PDZRN4: variants seen among roughly 807,000 people sequenced by gnomAD.
The protein encoded by PDZRN4 is PDZ domain-containing RING finger protein 4.
PDZRN4 carries 70 observed loss-of-function variants against 99.0 expected under a neutral mutation model. The ratio of observed to expected loss-of-function variants is 0.71; its 90% CI spans 0.58 to 0.86. PDZRN4 has a LOEUF of 0.86. PDZRN4 is among the 40% of genes least tolerant of loss of function. The pLI, the probability that PDZRN4 is intolerant of heterozygous loss-of-function variation, is 0.00. For missense variants in PDZRN4, 1,474 were observed against 1,331.2 expected (o/e 1.11, Z -1.67); for synonymous variants, 551 against 501.6 (o/e 1.10, Z -1.32).
chr12:41,232,788 G>A (rs979607569), intron 3 of PDZRN4, among the ~76,000 whole-genome samples: 2 of 152,076 alleles, frequency 1.3e-5, no homozygotes, highest in African/African-American at 4.8e-5. Flanking sequence ...TTCTTCTAGG[G>A]TTTTTATGGT....
chr12:41,414,895 G>A (rs1952431195), intron 3 of PDZRN4, among the ~76,000 whole-genome samples: 1 of 152,154 alleles, frequency 6.6e-6, no homozygotes, highest in Non-Finnish European at 1.5e-5. Context: ...GGGACTAGCA[G>A]AGCCAAAGGC....
intron 3 of PDZRN4, among the ~76,000 whole-genome samples, chr12:41,281,384 G>A (rs561251700): frequency 6.8e-6 from 1 of 147,964 alleles, no homozygotes; most frequent in Non-Finnish European, 1.5e-5. Flanking sequence ...ATTGACAGAA[G>A]TAGGCTTCAG....
chr12:41,374,983 C>T (rs1952069139), intron 3 of PDZRN4, among the ~76,000 whole-genome samples: 2 of 152,180 alleles, frequency 1.3e-5, no homozygotes, highest in African/African-American at 4.8e-5. Context: ...CTCTCTCTCT[C>T]TCTTCAAGTC....
intron 3 of PDZRN4, among the ~76,000 whole-genome samples, chr12:41,229,767 T>G (rs576091305): frequency 6.6e-6 from 1 of 152,190 alleles, no homozygotes; most frequent in Admixed American, 6.6e-5. Context: ...ATTTCCCATT[T>G]TATTAACAGA....
At chr12:41,282,315 G>C (rs2120888358) in intron 3 of PDZRN4, among the ~76,000 whole-genome samples, 1 of 152,252 alleles carries the variant, frequency 6.6e-6, no homozygotes, top group East Asian at 1.9e-4. Context: ...GCAACAAGAA[G>C]AGCTAACTAT....
intron 3 of PDZRN4, among the ~76,000 whole-genome samples, chr12:41,456,374 T>A (rs1202062594): frequency 6.6e-6 from 1 of 151,956 alleles, no homozygotes; most frequent in Non-Finnish European, 1.5e-5. Flanking sequence ...ATTATAAACA[T>A]TTTTCACTGC....
intron 3 of PDZRN4, among the ~76,000 whole-genome samples, chr12:41,339,887 C>T (rs982703468): frequency 6.6e-6 from 1 of 151,950 alleles, no homozygotes; most frequent in Non-Finnish European, 1.5e-5. Context: ...TATTTTACCC[C>T]AGTTAACATG....
intron 3 of PDZRN4, among the ~76,000 whole-genome samples, chr12:41,287,236 A>G (rs1314642688): frequency 6.6e-6 from 1 of 152,230 alleles, no homozygotes; most frequent in Middle Eastern, 3.2e-3. Context: ...GTTCTGCTAC[A>G]GCCATAGTCA....
intron 3 of PDZRN4, among the ~76,000 whole-genome samples, chr12:41,297,491 T>C (rs1951504164): frequency 6.6e-6 from 1 of 152,206 alleles, no homozygotes; most frequent in Non-Finnish European, 1.5e-5. Context: ...CAAGCTCATG[T>C]ATAAACTAAG....
rs1398049815 is a variant in PDZRN4 at position 41,208,055 on chromosome 12, G to A, written c.843+13867G>A. Among the ~76,000 whole-genome samples the A allele has an allele frequency of 5.3e-5, 8 of 151,952 alleles. No individual in the cohort carries two copies. In the South Asian group the frequency reaches 1.4e-3, roughly 28 times the overall value. On this transcript the variant is annotated intron_variant, in intron 3 of 9. Coordinates refer to ENST00000402685, the MANE Select transcript of PDZRN4 (RefSeq NM_001164595.2). ...ATTGAAAGATCCTGAAACATTTTGT[G>A]GAGCACAGTTACAGATAGTCATCCT...
rs1566352706 is a variant in PDZRN4 at position 41,197,926 on chromosome 12, T to TTTTTTC, written c.843+3743_843+3744insCTTTTT. Among the ~76,000 whole-genome samples, 850 of 140,844 alleles carry TTTTTTC rather than the reference T, an allele frequency of 6.0e-3. 18 individuals are homozygous for TTTTTTC. Among genetic ancestry groups the TTTTTTC allele is most frequent in the African/African-American group, 0.022 (818 of 37,648 alleles). The allele number at this position is 140,844 out of a possible 152,430, so 92.4% of individuals were successfully genotyped here. A position where few individuals can be genotyped will look rare whatever the true frequency, so the allele number is the denominator to read the frequency against. On this transcript the variant is annotated intron_variant, in intron 3 of 9. Transcript: ENST00000402685. ...TTTTCCTTGTTTTTTCTGGGTTTTT[T>TTTTTTC]TTTTTGGAGACAGGATCTTGCTCTG...
intron 3 of PDZRN4, among the ~76,000 whole-genome samples, chr12:41,244,449 A>G (rs1249336974): frequency 6.6e-6 from 1 of 152,118 alleles, no homozygotes; most frequent in Non-Finnish European, 1.5e-5. Context: ...CATTTTCCTC[A>G]GTAAAATCCG....
intron 3 of PDZRN4, among the ~76,000 whole-genome samples, chr12:41,238,243 T>C (rs1244913330): frequency 2.0e-5 from 3 of 152,096 alleles, no homozygotes; most frequent in African/African-American, 7.2e-5. Flanking sequence ...TTGTAAATGA[T>C]AGTTCATTCA....
At chr12:41,323,839 T>C (rs1951694536) in intron 3 of PDZRN4, among the ~76,000 whole-genome samples, 1 of 151,994 alleles carries the variant, frequency 6.6e-6, no homozygotes, top group East Asian at 1.9e-4. Flanking sequence ...GAGATGTGAT[T>C]TATATTAATT....
chr12:41,268,694 T>C (rs1329580488), intron 3 of PDZRN4, among the ~76,000 whole-genome samples: 1 of 152,228 alleles, frequency 6.6e-6, no homozygotes, highest in East Asian at 1.9e-4. Flanking sequence ...AAATACATCA[T>C]TCTTTTCCAA....
intron 3 of PDZRN4, among the ~76,000 whole-genome samples, chr12:41,319,077 T>C (rs370682006): frequency 1.3e-5 from 2 of 152,160 alleles, no homozygotes; most frequent in South Asian, 2.1e-4. Context: ...AATTTTCACA[T>C]GCATCTTGAA....
rs1363285158 is a variant in PDZRN4 at position 41,572,371 on chromosome 12, A to C, written c.1592A>C (p.Lys531Thr). 1 of 1,592,756 alleles carries C rather than the reference A, an allele frequency of 6.3e-7. No homozygotes were observed. Among genetic ancestry groups the C allele is most frequent in the Non-Finnish European group, 8.6e-7 (1 of 1,167,640 alleles). The change falls in exon 10 of 10, where the codon AAG (lysine) becomes ACG (threonine). Residue 531 changes from lysine (K) to threonine (T), a missense_variant. Lys to Thr is a moderately conservative substitution (Grantham distance 78). Coordinates refer to ENST00000402685, the MANE Select transcript of PDZRN4 (RefSeq NM_001164595.2). ...TCAACATCATTTTCTTAGCCAAAAAAGCAAGAAGAAGAAGAAGGCACAACA... is the reference window on the plus strand; with the variant it reads ...TCAACATCATTTTCTTAGCCAAAAACGCAAGAAGAAGAAGAAGGCACAACA... ...PTANEVEQPK[K>T]QEEEEGTTDT...
At chr12:41,460,439 G>A (rs909790852) in intron 3 of PDZRN4, among the ~76,000 whole-genome samples, 1 of 152,136 alleles carries the variant, frequency 6.6e-6, no homozygotes, top group South Asian at 2.1e-4. Context: ...TATAAACTGA[G>A]TCTGGAAAGA....
Position 41,408,404 on chromosome 12 carries a change from G to A in PDZRN4, c.844-98052G>A, listed in dbSNP as rs569714520. ...CTCTGGGTAAAGTACACATAGTGGA[G>A]CTCCCTTTCTGCAAGTTTCCAGAGT... On this transcript the variant is annotated intron_variant, in intron 3 of 9. Transcript: ENST00000402685. Among the ~76,000 whole-genome samples, 8 of 152,294 alleles carry A rather than the reference G, an allele frequency of 5.3e-5. No individual in the cohort carries two copies. The South Asian group carries it at 1.7e-3, about 32-fold the overall frequency.
Sources: allele counts gnomAD v4.1 joint callset (sites outside exome capture counted in the v4.1 genomes callset), GRCh38; gene constraint gnomAD v4.1.1; transcripts MANE v1.5; gene names NCBI Gene and HGNC (gene_info 2026-07-23, HGNC 2026-07-21).